Variants in ZNF624 observed in about 807,000 individuals in gnomAD.
ZNF624 encodes zinc finger protein 624.
In ZNF624, 43 loss-of-function variants were observed where a neutral mutation model predicts 74.7. That is an observed-to-expected ratio of 0.58 (90% confidence interval 0.45 to 0.74). The LOEUF is 0.74. Among genes scored for constraint, ZNF624 ranks in the 30% least tolerant of loss-of-function variants. The pLI is 0.00. For synonymous variants in ZNF624, 331 were observed against 341.3 expected, an observed-to-expected ratio of 0.97 and a Z score of 0.33; for missense variants, 820 against 1,030.0, an observed-to-expected ratio of 0.80 and a Z score of 2.79.
In ZNF624 at chr17:16,622,815, T is replaced by A; in HGVS notation, c.2071A>T (p.Thr691Ser). Reference sequence around the variant, plus strand: ...TTGCATTTATAGGGCTTCTCTCCAGTATGCCTTCGTTGGTGCACGGTAAGC... The same window carrying A: ...TTGCATTTATAGGGCTTCTCTCCAGAATGCCTTCGTTGGTGCACGGTAAGC... ...SQLTVHQRRH[T>S]GEKPYKCNEC... The change falls in exon 6 of 6, where the codon ACT (threonine) becomes TCT (serine). Residue 691 changes from threonine to serine, a missense_variant. Physicochemically the swap from Thr to Ser is moderately conservative, Grantham distance 58. Transcript: ENST00000311331. 2 of 1,614,056 alleles carry A rather than the reference T, an allele frequency of 1.2e-6. No individual in the cohort carries two copies. The highest frequency in any genetic ancestry group is 1.7e-6 in the Non-Finnish European group (2 of 1,179,984).
chr17:16,629,121 C>T (rs1051861717), intron 5 of ZNF624, among the ~76,000 whole-genome samples: 1 of 145,902 alleles, frequency 6.9e-6, no homozygotes, highest in Non-Finnish European at 1.5e-5. Context: ...TTACCTGAAA[C>T]CAGGAGGCAG....
At chr17:16,638,567 A>G (rs537884109) in intron 3 of ZNF624, among the ~76,000 whole-genome samples, 2 of 152,328 alleles carry the variant, frequency 1.3e-5, no homozygotes, top group Admixed American at 6.5e-5. Flanking sequence ...TTGTAGGGAC[A>G]TGGATGAAAC....
intron 3 of ZNF624, among the ~76,000 whole-genome samples, chr17:16,638,064 G>C (rs1909376604): frequency 1.3e-5 from 2 of 152,296 alleles, no homozygotes; most frequent in South Asian, 4.1e-4. Flanking sequence ...GATATGAACA[G>C]ACACTTCTCA....
rs564280291 is a variant in ZNF624, at chr17:16,636,931, G to A, written c.154-2175C>T. Among the ~76,000 whole-genome samples the A allele has an allele frequency of 5.7e-3, 862 of 152,254 alleles. 5 individuals are homozygous for A. In the Middle Eastern group the frequency reaches 0.058, roughly 10 times the overall value. ...TCTTGTGCCAGTTTTCAAAGGGAAT[G>A]TTTCCAGTTTTTGCTGGTTCAACAT... On this transcript the variant is annotated intron_variant, in intron 3 of 5. Transcript: ENST00000311331.
downstream of ZNF624, chr17:16,617,289 A>C: frequency 1.2e-6 from 2 of 1,613,782 alleles, no homozygotes; most frequent in South Asian, 2.2e-5. Context: ...TTCTAGATCG[A>C]GACCTGGATC....
intron 5 of ZNF624, among the ~76,000 whole-genome samples, chr17:16,626,832 G>T (rs188640762): frequency 6.6e-6 from 1 of 151,904 alleles, no homozygotes; most frequent in Non-Finnish European, 1.5e-5. Flanking sequence ...CAAGGTGGGC[G>T]GATTACCTGA....
downstream of ZNF624, chr17:16,617,747 G>C: frequency 6.2e-7 from 1 of 1,604,512 alleles, no homozygotes; most frequent in Non-Finnish European, 8.5e-7. Flanking sequence ...CGGTGTCGCG[G>C]GAGTCCTCGA....
At chr17:16,630,513 C>T (rs546751758) in intron 5 of ZNF624, among the ~76,000 whole-genome samples, 4 of 152,198 alleles carry the variant, frequency 2.6e-5, no homozygotes, top group East Asian at 3.9e-4. Flanking sequence ...GCCGAGATCA[C>T]GCCATTGCAC....
chr17:16,622,234 G>C lies in ZNF624; in HGVS notation c.*54C>G. ...GATTTTCCTATATTCATAAAATATA[G>C]TTTATAAGATTCATCTTGTGGAGTT... is the stretch of plus-strand genomic sequence containing the variant. On this transcript the variant is annotated 3_prime_UTR_variant, in exon 6 of 6. Coordinates refer to ENST00000311331, the MANE Select transcript of ZNF624 (RefSeq NM_020787.4). The C allele has an allele frequency of 7.4e-7, 1 of 1,357,002 alleles. No individual in the cohort carries two copies. Among genetic ancestry groups the C allele is most frequent in the Non-Finnish European group, 9.9e-7 (1 of 1,011,130 alleles). 84.1% of individuals were successfully genotyped at this position (1,357,002 alleles called of 1,614,324 possible). A position where few individuals can be genotyped will look rare whatever the true frequency, so the allele number is the denominator to read the frequency against.
At chr17:16,652,487 C>A (rs1255798619) in intron 1 of ZNF624, among the ~76,000 whole-genome samples, 1 of 151,722 alleles carries the variant, frequency 6.6e-6, no homozygotes, top group Non-Finnish European at 1.5e-5. Context: ...TTAATAAACT[C>A]TTTGGCAATA....
rs115882582 is a variant in ZNF624 at position 16,636,343 on chromosome 17, G to C, written c.154-1587C>G. Among the ~76,000 whole-genome samples, 320 of 152,254 alleles carry C rather than the reference G, an allele frequency of 2.1e-3. 2 individuals carry two copies. Among genetic ancestry groups the C allele is most frequent in the African/African-American group, 7.5e-3 (310 of 41,550 alleles). ...ATAATTAAATAGTTGCTGAGGGAAGGTTTCTCTTTATGGAAGTATTTTAGC... is the reference window on the plus strand; with the variant it reads ...ATAATTAAATAGTTGCTGAGGGAAGCTTTCTCTTTATGGAAGTATTTTAGC... On this transcript the variant is annotated intron_variant, in intron 3 of 5. Coordinates refer to ENST00000311331, the MANE Select transcript of ZNF624 (RefSeq NM_020787.4).
chr17:16,651,242 C>CA (rs1909715508), intron 1 of ZNF624, among the ~76,000 whole-genome samples: 1 of 151,934 alleles, frequency 6.6e-6, no homozygotes, highest in Non-Finnish European at 1.5e-5. Context: ...GCCTGGCTGA[C>CA]ACGGTGAAAC....
intron 2 of ZNF624, among the ~76,000 whole-genome samples, chr17:16,649,233 A>G (rs1909662594): frequency 6.6e-6 from 1 of 152,206 alleles, no homozygotes; most frequent in South Asian, 2.1e-4. Flanking sequence ...GAGATCACTG[A>G]GAGTGGCACA....
rs1317844972 is a variant in ZNF624, at chr17:16,622,394, G to A, written c.2492C>T (p.Thr831Ile). 6.2e-7 allele frequency: 1 copy of A among 1,613,742 alleles called. No homozygotes were observed. Among genetic ancestry groups the A allele is most frequent in the Non-Finnish European group, 8.5e-7 (1 of 1,179,850 alleles). Residue 831 changes from threonine to isoleucine, a missense_variant, in exon 6 of 6, where the codon ACT becomes ATT. By Grantham distance (89) the Thr-to-Ile change is moderately conservative (BLOSUM62 -1). Coordinates refer to ENST00000311331, the MANE Select transcript of ZNF624 (RefSeq NM_020787.4). ...SDFTVHLRMH[T>I]GEKPYKCNEC... Reference sequence around the variant, plus strand: ...ATTACATTTATAGGGTTTTTCTCCAGTATGCATCCTCAAGTGTACAGTAAA... The same window carrying A: ...ATTACATTTATAGGGTTTTTCTCCAATATGCATCCTCAAGTGTACAGTAAA...
Position 16,653,779 on chromosome 17 carries a change from A to AG in ZNF624, c.-19dup, listed in dbSNP as rs1909788854. The AG allele has an allele frequency of 6.5e-6, 1 of 152,706 alleles. No homozygotes were observed. Among genetic ancestry groups the AG allele is most frequent in the Non-Finnish European group, 1.5e-5 (1 of 68,064 alleles). 9.5% of individuals were successfully genotyped at this position (152,706 alleles called of 1,614,324 possible). The stretch of plus-strand genomic sequence containing the variant: ...CAACGAGTACCTGGCGGCCGAACTG[A>AG]GGACAACTGAGGGAACTCGCAGAGC... On this transcript the variant is annotated 5_prime_UTR_variant, in exon 1 of 6. Coordinates refer to ENST00000311331, the MANE Select transcript of ZNF624 (RefSeq NM_020787.4).
chr17:16,636,835 C>CAAAA (rs371820225), intron 3 of ZNF624, among the ~76,000 whole-genome samples: 30 of 125,504 alleles, frequency 2.4e-4, no homozygotes, highest in African/African-American at 8.8e-4. Flanking sequence ...GACTCCGTCT[C>CAAAA]AAAAAAAAAA....
chr17:16,638,469 CCAA>C (rs1909387715), intron 3 of ZNF624, among the ~76,000 whole-genome samples: 2 of 152,174 alleles, frequency 1.3e-5, no homozygotes, highest in African/African-American at 4.8e-5. Context: ...ACCCAAATGT[CCAA>C]CAACGATAGA....
downstream of ZNF624, chr17:16,617,471 A>C: frequency 6.2e-7 from 1 of 1,608,598 alleles, no homozygotes; most frequent in African/African-American, 1.3e-5. Context: ...GCATCCGCAC[A>C]GGTTACTTAA....
At chr17:16,631,164 CAAGG>C (rs1909198373) in intron 5 of ZNF624, among the ~76,000 whole-genome samples, 1 of 151,940 alleles carries the variant, frequency 6.6e-6, no homozygotes, top group Non-Finnish European at 1.5e-5. Flanking sequence ...AAAAATAACC[CAAGG>C]ATAAAAGATA....
Sources: gnomAD v4.1 joint callset for allele counts (sites outside exome capture counted in the v4.1 genomes callset) on GRCh38, gnomAD v4.1.1 for gene constraint, MANE v1.5 for transcripts, NCBI Gene and HGNC (gene_info 2026-07-23, HGNC 2026-07-21) for gene names.